The following ARNT2 variants were observed in gnomAD, a reference collection of about 807,000 sequenced individuals.
ARNT2 encodes aryl hydrocarbon receptor nuclear translocator 2, also known as ARNT protein 2.
A neutral mutation model predicts 91.7 loss-of-function variants in ARNT2; 36 were observed. The ratio of observed to expected loss-of-function variants is 0.39; its 90% CI spans 0.30 to 0.52. The LOEUF is 0.52. Among genes scored for constraint, ARNT2 ranks in the 20% least tolerant of loss-of-function variants. The probability of loss-of-function intolerance (pLI) is 0.72; values close to 1 mark genes in which losing one functional copy is unlikely to be tolerated. For missense variants in ARNT2, 775 were observed against 939.3 expected (o/e 0.83, Z 2.29); for synonymous variants, 365 against 347.1 (o/e 1.05, Z -0.57).
chr15:80,543,835 C>T (rs1435937958), intron 8 of ARNT2, among the ~76,000 whole-genome samples: 11 of 152,090 alleles, frequency 7.2e-5, no homozygotes, highest in African/African-American at 2.2e-4. Flanking sequence ...CCGCCTCCCA[C>T]GTTCAAGTGA....
rs562887607 is a variant in ARNT2 at position 80,448,174 on chromosome 15, C to G, written c.32-2706C>G. On this transcript the variant is annotated intron_variant, in intron 1 of 18. Coordinates refer to ENST00000303329, the MANE Select transcript of ARNT2 (RefSeq NM_014862.4). Reference sequence around the variant, plus strand: ...TATTATGAACATTTCACAGCTGACACTTTGACCTAGAGTAGCCCCGTCACT... The same window carrying G: ...TATTATGAACATTTCACAGCTGACAGTTTGACCTAGAGTAGCCCCGTCACT... Among the ~76,000 whole-genome samples the G allele has an allele frequency of 1.1e-4, 16 of 152,286 alleles. No homozygotes were observed. In the South Asian group the frequency reaches 2.7e-3, roughly 26 times the overall value.
intron 8 of ARNT2, among the ~76,000 whole-genome samples, chr15:80,535,578 A>G (rs1251238206): frequency 6.6e-6 from 1 of 152,120 alleles, no homozygotes; most frequent in African/African-American, 2.4e-5. Context: ...CCATTTTTCT[A>G]CTGGGGGATT....
chr15:80,567,988 G>A (rs1020221208), intron 12 of ARNT2, among the ~76,000 whole-genome samples: 7 of 152,222 alleles, frequency 4.6e-5, no homozygotes, highest in African/African-American at 1.7e-4. Context: ...GGCGAGGGTG[G>A]AGTGTGGGCA....
In ARNT2 at chr15:80,508,143, C is replaced by T; in HGVS notation, c.623-13C>T. Reference sequence around the variant, plus strand: ...GGCAGAGGCTTACGTAACTGTCCTTCTCTCTCTCTTAGGCCGGATCTTGGA... The same window carrying T: ...GGCAGAGGCTTACGTAACTGTCCTTTTCTCTCTCTTAGGCCGGATCTTGGA... On this transcript the variant is annotated splice_polypyrimidine_tract_variant and intron_variant, in intron 5 of 18. Coordinates refer to ENST00000303329, the MANE Select transcript of ARNT2 (RefSeq NM_014862.4). 6.3e-7 allele frequency: 1 copy of T among 1,599,146 alleles called. No homozygotes were observed. The highest frequency in any genetic ancestry group is 8.6e-7 in the Non-Finnish European group (1 of 1,168,322).
intron 8 of ARNT2, among the ~76,000 whole-genome samples, chr15:80,523,988 G>A (rs1324846772): frequency 6.6e-6 from 1 of 152,178 alleles, no homozygotes; most frequent in Non-Finnish European, 1.5e-5. Context: ...TTGAGGGGGT[G>A]TCATATGAAG....
At chr15:80,418,382 T>C (rs947018156) in intron 1 of ARNT2, among the ~76,000 whole-genome samples, 3 of 152,222 alleles carry the variant, frequency 2.0e-5, no homozygotes, top group Non-Finnish European at 4.4e-5. Flanking sequence ...GTCCCTTCCC[T>C]GAACCTCCTG....
intron 1 of ARNT2, among the ~76,000 whole-genome samples, chr15:80,429,362 AG>A (rs1895976981): frequency 6.6e-6 from 1 of 152,226 alleles, no homozygotes; most frequent in Non-Finnish European, 1.5e-5. Flanking sequence ...GCACCTTCAC[AG>A]TGGAACCTAC....
At chr15:80,566,672 ATTG>A (rs1898490400) in intron 12 of ARNT2, among the ~76,000 whole-genome samples, 3 of 152,232 alleles carry the variant, frequency 2.0e-5, no homozygotes, top group Admixed American at 2.0e-4. Context: ...AGGTATTGAA[ATTG>A]TTGTCCCAGC....
At chr15:80,437,960 C>CACAG (rs1472301176) in intron 1 of ARNT2, among the ~76,000 whole-genome samples, 1 of 150,388 alleles carries the variant, frequency 6.6e-6, no homozygotes, top group Non-Finnish European at 1.5e-5. Flanking sequence ...CACACACACA[C>CACAG]AGAGTCTCTT....
chr15:80,518,564 C>A (rs1897481015), intron 8 of ARNT2, among the ~76,000 whole-genome samples: 1 of 152,100 alleles, frequency 6.6e-6, no homozygotes, highest in African/African-American at 2.4e-5. Context: ...TAGGCAGGAA[C>A]CATGGCTCCT....
At chr15:80,470,503 TG>T in intron 4 of ARNT2, 72 bp downstream of exon 4, 1 of 1,517,604 alleles carries the variant, frequency 6.6e-7, no homozygotes. Flanking sequence ...ATAAACTACG[TG>T]GGGAACCAGG....
At chr15:80,406,690 G>C (rs28679357) in intron 1 of ARNT2, among the ~76,000 whole-genome samples, 2,726 of 152,274 alleles carry the variant, frequency 0.018, 75 homozygotes, top group African/African-American at 0.061. Context: ...AATGGTACAA[G>C]CATAGGGTAT....
chr15:80,494,286 A>C (rs931795164), intron 5 of ARNT2, among the ~76,000 whole-genome samples: 1 of 151,898 alleles, frequency 6.6e-6, no homozygotes, highest in Non-Finnish European at 1.5e-5. Context: ...TTTTCCTGCT[A>C]TTTTTGTATT....
intron 2 of ARNT2, 60 bp downstream of exon 2, chr15:80,451,054 C>T: frequency 6.8e-7 from 1 of 1,469,794 alleles, no homozygotes; most frequent in South Asian, 1.2e-5. Flanking sequence ...TGCTCTTGAC[C>T]TGTTAGGAAA....
chr15:80,517,649 T>C (rs1408308772), intron 8 of ARNT2, among the ~76,000 whole-genome samples: 1 of 151,670 alleles, frequency 6.6e-6, no homozygotes, highest in African/African-American at 2.4e-5. Context: ...TTTTTCATTC[T>C]TTTTTTCTCT....
chr15:80,566,275 A>G (rs950145009), intron 12 of ARNT2, among the ~76,000 whole-genome samples: 3 of 151,146 alleles, frequency 2.0e-5, no homozygotes, highest in African/African-American at 7.4e-5. Context: ...TGGGCAGATC[A>G]CCTTGCCTTC....
At chr15:80,513,590 A>C (rs946004900) in intron 6 of ARNT2, among the ~76,000 whole-genome samples, 8 of 152,068 alleles carry the variant, frequency 5.3e-5, no homozygotes, top group Admixed American at 3.3e-4. Flanking sequence ...GTTCCACTGA[A>C]ATGATCTGCA....
chr15:80,563,527 C>T (rs547448235), intron 12 of ARNT2, among the ~76,000 whole-genome samples: 63 of 152,346 alleles, frequency 4.1e-4, no homozygotes, highest in Non-Finnish European at 7.9e-4. Context: ...TTTCTTCCCC[C>T]TGAGCATGGA....
intron 8 of ARNT2, among the ~76,000 whole-genome samples, chr15:80,530,393 A>G (rs138576103): frequency 2.0e-5 from 3 of 152,158 alleles, no homozygotes; most frequent in African/African-American, 7.2e-5. Context: ...AGGGATAGAG[A>G]TCTGCTCTCC....
Sources: gnomAD v4.1 joint callset for allele counts (sites outside exome capture counted in the v4.1 genomes callset) on GRCh38, gnomAD v4.1.1 for gene constraint, MANE v1.5 for transcripts, NCBI Gene and HGNC (gene_info 2026-07-23, HGNC 2026-07-21) for gene names.